The following POT1 variants were observed in gnomAD, a reference collection of about 807,000 sequenced individuals.
The protein encoded by POT1 is protection of telomeres protein 1.
POT1 carries 47 observed loss-of-function variants against 78.5 expected under a neutral mutation model. That is an observed-to-expected ratio of 0.60 (90% confidence interval 0.47 to 0.76). The LOEUF is 0.76. Among genes scored for constraint, POT1 ranks in the 30% least tolerant of loss-of-function variants. POT1 has a pLI of 0.00. For missense variants in POT1, 646 were observed against 749.9 expected, an observed-to-expected ratio of 0.86 and a Z score of 1.62; for synonymous variants, 259 against 260.7, an observed-to-expected ratio of 0.99 and a Z score of 0.06.
At chr7:124,850,685 C>G (rs956770552) in intron 11 of POT1, among the ~76,000 whole-genome samples, 1 of 151,318 alleles carries the variant, frequency 6.6e-6, no homozygotes, top group Non-Finnish European at 1.5e-5. Flanking sequence ...GAGCAGAGAT[C>G]GCGCTAGCCA....
At chr7:124,884,646 C>G (rs891495092) in intron 6 of POT1, among the ~76,000 whole-genome samples, 1 of 152,002 alleles carries the variant, frequency 6.6e-6, no homozygotes, top group East Asian at 1.9e-4. Flanking sequence ...GAGGAAAGAA[C>G]AAAAAGAAGG....
intron 13 of POT1, among the ~76,000 whole-genome samples, chr7:124,841,947 C>A (rs1181137397): frequency 6.6e-6 from 1 of 151,970 alleles, no homozygotes; most frequent in African/African-American, 2.4e-5. Context: ...ACAGTTCCCT[C>A]ACATTTTATT....
At chr7:124,837,705 C>T (rs1584754848) in intron 14 of POT1, among the ~76,000 whole-genome samples, 1 of 152,078 alleles carries the variant, frequency 6.6e-6, no homozygotes, top group Non-Finnish European at 1.5e-5. Flanking sequence ...TGTTTCCTAA[C>T]TCTTATGAGG....
intron 6 of POT1, among the ~76,000 whole-genome samples, chr7:124,888,256 G>GA (rs1202996356): frequency 2.0e-5 from 3 of 152,002 alleles, no homozygotes; most frequent in African/African-American, 7.2e-5. Flanking sequence ...CACCCTTGTC[G>GA]AAAATCAGTT....
intron 11 of POT1, chr7:124,848,667 G>GAAAAAAA (rs11322299): frequency 1.0e-4 from 11 of 109,938 alleles, no homozygotes; most frequent in Non-Finnish European, 1.2e-4. Context: ...CATCTCAAAA[G>GAAAAAAA]AAAAAAAAAA....
rs587777472 is a variant in POT1 at position 124,863,630 on chromosome 7, T to C, written c.266A>G (p.Tyr89Cys). Residue 89 changes from tyrosine (Y) to cysteine (C), a missense_variant, in exon 8 of 19, where the codon TAT (tyrosine) becomes TGT (cysteine). Tyr to Cys is a radical substitution (Grantham distance 194). This residue lies in a region of POT1 where 252 missense variants were observed against 341.4 expected (regional missense o/e 0.74). Transcript: ENST00000357628. ...VRFHRLKIQVYKKETQGITSS... is the reference protein window; with the variant it reads ...VRFHRLKIQVCKKETQGITSS... ...GGTGATACCCTGAGTCTCCTTTTTA[T>C]ATACTTGAATCTAAGAAAGTAGGGC... is the stretch of plus-strand genomic sequence containing the variant. 1.2e-6 allele frequency: 2 copies of C among 1,608,680 alleles called. No individual in the cohort carries two copies. The highest frequency in any genetic ancestry group is 1.7e-6 in the Non-Finnish European group (2 of 1,178,096).
At chr7:124,846,160 C>A (rs1469724997) in intron 12 of POT1, among the ~76,000 whole-genome samples, 1 of 129,248 alleles carries the variant, frequency 7.7e-6, no homozygotes, top group African/African-American at 2.8e-5. Context: ...CACATTCATA[C>A]TGACACACAC....
chr7:124,873,271 T>C (rs1406109322), intron 6 of POT1, among the ~76,000 whole-genome samples: 2 of 152,198 alleles, frequency 1.3e-5, no homozygotes, highest in Non-Finnish European at 2.9e-5. Flanking sequence ...TTTCTTCTAG[T>C]AGGTTCATAG....
intron 2 of POT1, among the ~76,000 whole-genome samples, chr7:124,927,230 T>C (rs992341226): frequency 1.3e-5 from 2 of 152,186 alleles, no homozygotes; most frequent in South Asian, 2.1e-4. Context: ...AACTAATCTT[T>C]CCAAGTGATC....
chr7:124,909,486 T>A, intron 3 of POT1, among the ~76,000 whole-genome samples: 1 of 151,930 alleles, frequency 6.6e-6, no homozygotes, highest in East Asian at 1.9e-4. Context: ...GTTGGAACAA[T>A]CTTCAACCTT....
At chr7:124,884,962 T>C (rs752214679) in intron 6 of POT1, among the ~76,000 whole-genome samples, 2 of 147,222 alleles carry the variant, frequency 1.4e-5, no homozygotes, top group Non-Finnish European at 3.0e-5. Flanking sequence ...ATATGTGTTA[T>C]CTAGGAAAAT....
intron 6 of POT1, among the ~76,000 whole-genome samples, chr7:124,876,336 T>C (rs1212532354): frequency 2.1e-5 from 3 of 140,118 alleles, no homozygotes; most frequent in Middle Eastern, 3.6e-3. Context: ...ATTCAAAAAC[T>C]TTAAAAGGTC....
intron 6 of POT1, among the ~76,000 whole-genome samples, chr7:124,873,291 GA>G (rs1795913324): frequency 6.6e-6 from 1 of 152,104 alleles, no homozygotes; most frequent in African/African-American, 2.4e-5. Flanking sequence ...GTACTACATT[GA>G]ATAGAGTGGG....
At chr7:124,825,412 T>A in intron 17 of POT1, 55 bp from the exon 18 acceptor site, 1 of 1,095,326 alleles carries the variant, frequency 9.1e-7, no homozygotes, top group Admixed American at 2.0e-5. Flanking sequence ...TCCTTTTTAA[T>A]GTTATTATTA....
In POT1 at chr7:124,845,427, C is replaced by T. The variant is rs184247133; in HGVS notation, c.1006+1515G>A. ...TCCTCAGGCTCAGATTTAGCTTATG[C>T]ATTTTTGGCAGGAATAATGCGTAAG... On this transcript the variant is annotated intron_variant, in intron 12 of 18. Coordinates refer to ENST00000357628, the MANE Select transcript of POT1 (RefSeq NM_015450.3). Among the ~76,000 whole-genome samples the T allele has an allele frequency of 3.2e-4, 48 of 152,258 alleles. 1 individual carries two copies. The highest frequency in any genetic ancestry group is 5.7e-4 in the Non-Finnish European group (39 of 68,012).
intron 2 of POT1, among the ~76,000 whole-genome samples, chr7:124,922,934 T>C (rs984322128): frequency 2.0e-5 from 3 of 151,728 alleles, no homozygotes; most frequent in Admixed American, 6.6e-5. Context: ...ACACTCAATA[T>C]AAGGGCCACA....
rs1399989888 is a variant in POT1, at chr7:124,840,216, A to G, written c.1369+757T>C. Among the ~76,000 whole-genome samples, 12 of 152,076 alleles carry G rather than the reference A, an allele frequency of 7.9e-5. No homozygotes were observed. The East Asian group carries it at 2.3e-3, about 29-fold the overall frequency. On this transcript the variant is annotated intron_variant, in intron 14 of 18. Transcript: ENST00000357628. ...TCCCTCATTTATTAAAAATAAAGTT[A>G]AATATTACTCTAAGGCAAATTAAAG...
chr7:124,905,837 T>C (rs1431085729), intron 3 of POT1, among the ~76,000 whole-genome samples: 1 of 152,068 alleles, frequency 6.6e-6, no homozygotes. Flanking sequence ...GGATATGAAC[T>C]GACATTTGTC....
rs1208604781 is a variant in POT1, at chr7:124,885,816, TTGA to T, written c.124+6447_124+6449del. 1.4e-4 allele frequency among the ~76,000 whole-genome samples: 21 copies of T among 151,950 alleles called. No individual in the cohort carries two copies. The East Asian group carries it at 3.7e-3, about 27-fold the overall frequency. ...AAAATAAAATCATATAAAATAAATT[TTGA>T]TGATAAAAGGACATTTCAATATATG... On this transcript the variant is annotated intron_variant, in intron 6 of 18. Coordinates refer to ENST00000357628, the MANE Select transcript of POT1 (RefSeq NM_015450.3).
Sources: gnomAD v4.1 joint callset for allele counts (sites outside exome capture counted in the v4.1 genomes callset) on GRCh38, gnomAD v4.1.1 for gene constraint, gnomAD v4.1.1 regional missense constraint, MANE v1.5 for transcripts, NCBI Gene and HGNC (gene_info 2026-07-23, HGNC 2026-07-21) for gene names.